MAML3: variants seen among roughly 807,000 people sequenced by gnomAD.
MAML3 encodes the protein mastermind-like protein 3.
In MAML3, 27 loss-of-function variants were observed where a neutral mutation model predicts 101.9. The ratio of observed to expected loss-of-function variants is 0.27; its 90% CI spans 0.20 to 0.37. MAML3 has a LOEUF of 0.37. MAML3 is among the 10% of genes least tolerant of loss of function. The pLI, the probability that MAML3 is intolerant of heterozygous loss-of-function variation, is 1.00. For synonymous variants in MAML3, 501 were observed against 555.9 expected, an observed-to-expected ratio of 0.90 and a Z score of 1.39; for missense variants, 1,316 against 1,444.9, an observed-to-expected ratio of 0.91 and a Z score of 1.45.
At chr4:140,046,711 C>T (rs1264452574) in intron 1 of MAML3, among the ~76,000 whole-genome samples, 2 of 151,752 alleles carry the variant, frequency 1.3e-5, no homozygotes, top group Non-Finnish European at 2.9e-5. Flanking sequence ...GGGCCTGAAT[C>T]ACTTAAGATA....
chr4:139,987,577 G>T (rs1169141966), intron 1 of MAML3, among the ~76,000 whole-genome samples: 1 of 152,134 alleles, frequency 6.6e-6, no homozygotes, highest in East Asian at 1.9e-4. Flanking sequence ...TCTTCTTGGG[G>T]TGTGGCATCT....
intron 2 of MAML3, among the ~76,000 whole-genome samples, chr4:139,838,825 C>T (rs1731307717): frequency 6.6e-6 from 1 of 152,076 alleles, no homozygotes; most frequent in Non-Finnish European, 1.5e-5. Flanking sequence ...AAAGCATCCC[C>T]ACAGAATCAA....
intron 1 of MAML3, among the ~76,000 whole-genome samples, chr4:139,948,263 C>A (rs1733768867): frequency 1.3e-5 from 2 of 152,168 alleles, no homozygotes; most frequent in African/African-American, 2.4e-5. Flanking sequence ...CACTCCTGAG[C>A]ACTTTTGCTT....
intron 1 of MAML3, among the ~76,000 whole-genome samples, chr4:140,081,152 G>T: frequency 6.6e-6 from 1 of 151,856 alleles, no homozygotes; most frequent in East Asian, 1.9e-4. Context: ...AATATTTTAG[G>T]CTTCCTCTGC....
intron 2 of MAML3, among the ~76,000 whole-genome samples, chr4:139,801,643 G>GTGTGTGTGTGT (rs1560798508): frequency 5.0e-3 from 153 of 30,752 alleles, no homozygotes; most frequent in South Asian, 0.015. Context: ...GGTGTGTGTG[G>GTGTGTGTGTGT]GTGTGTGTGT....
intron 1 of MAML3, among the ~76,000 whole-genome samples, chr4:140,014,775 G>A (rs571488959): frequency 1.1e-4 from 17 of 152,268 alleles, no homozygotes; most frequent in South Asian, 4.1e-4. Context: ...CAGCATTAAC[G>A]TCATAGGAAG....
Position 139,905,881 on chromosome 4 carries a change from T to C in MAML3, c.469-14914A>G, listed in dbSNP as rs114194757. 9.5e-3 allele frequency among the ~76,000 whole-genome samples: 1,443 copies of C among 152,264 alleles called. 9 individuals carry two copies. The highest frequency in any genetic ancestry group is 0.016 in the Non-Finnish European group (1,114 of 67,996). On this transcript the variant is annotated intron_variant, in intron 1 of 4. Coordinates refer to ENST00000509479, the MANE Select transcript of MAML3 (RefSeq NM_018717.5). ...AACTTAAAATGACCCTATCTCCAAA[T>C]ACTGTCACATTTTGAGAAACTGGGG...
At chr4:139,733,811 G>A (rs1248258524) in intron 2 of MAML3, among the ~76,000 whole-genome samples, 1 of 152,048 alleles carries the variant, frequency 6.6e-6, no homozygotes, top group African/African-American at 2.4e-5. Context: ...CAGCCTCCTG[G>A]GTAGGTGGGG....
At position 140,121,495 on chromosome 4, in the gene MAML3, G is replaced by A. The variant is rs114392137; in HGVS notation, c.468+31365C>T. On this transcript the variant is annotated intron_variant, in intron 1 of 4. Transcript: ENST00000509479. ...AGCACCACTTTGAAAGGGAAAAAGA[G>A]GTGTTAGGCTGTGTAGACTCAAAGT... Among the ~76,000 whole-genome samples the A allele has an allele frequency of 2.8e-3, 430 of 152,322 alleles. 2 individuals carry two copies. Among genetic ancestry groups the A allele is most frequent in the African/African-American group, 9.9e-3 (411 of 41,560 alleles).
intron 1 of MAML3, among the ~76,000 whole-genome samples, chr4:139,915,375 AAAGGG>A (rs150846880): frequency 0.015 from 2,222 of 152,296 alleles, 52 homozygotes; most frequent in African/African-American, 0.05. Context: ...CCTTATTAGC[AAAGGG>A]AGATGACCAA....
Position 140,069,388 on chromosome 4 carries a change from AGG to A in MAML3, c.468+83470_468+83471del, listed in dbSNP as rs1230611214. On this transcript the variant is annotated intron_variant, in intron 1 of 4. Coordinates refer to ENST00000509479, the MANE Select transcript of MAML3 (RefSeq NM_018717.5). ...AAGAAGAAGAAGAAGAAGAAGAAGGAGGAGGAGGAGGAGGAGGAGGAGGAGGA... is the reference window on the plus strand; with the variant it reads ...AAGAAGAAGAAGAAGAAGAAGAAGGAAGGAGGAGGAGGAGGAGGAGGAGGA... Among the ~76,000 whole-genome samples, 33 of 72,480 alleles carry A rather than the reference AGG, an allele frequency of 4.6e-4. 1 individual carries two copies. The highest frequency in any genetic ancestry group is 1.9e-3 in the African/African-American group (31 of 16,250). The allele number at this position is 72,480 out of a possible 152,430, so 47.5% of individuals were successfully genotyped here.
At chr4:139,856,385 T>A (rs1731664018) in intron 2 of MAML3, among the ~76,000 whole-genome samples, 1 of 152,142 alleles carries the variant, frequency 6.6e-6, no homozygotes, top group Non-Finnish European at 1.5e-5. Context: ...AAAGGAGAAC[T>A]ACAAGGACCT....
chr4:139,815,145 A>T (rs992281588), intron 2 of MAML3, among the ~76,000 whole-genome samples: 1 of 152,254 alleles, frequency 6.6e-6, no homozygotes, highest in Non-Finnish European at 1.5e-5. Flanking sequence ...AGCCCGACTT[A>T]TGAATAAAAG....
At position 139,788,719 on chromosome 4, in the gene MAML3, A is replaced by T. The variant is rs542869316; in HGVS notation, c.2080-58052T>A. 1.1e-4 allele frequency among the ~76,000 whole-genome samples: 17 copies of T among 152,370 alleles called. No homozygotes were observed. The South Asian group carries it at 3.3e-3, about 30-fold the overall frequency. On this transcript the variant is annotated intron_variant, in intron 2 of 4. Transcript: ENST00000509479. ...GAAATTTTGAATAGCTTTTCTTAGA[A>T]ATTTCCGTCAAAGAGGACATGCCTC...
intron 1 of MAML3, 48 bp downstream of exon 1, chr4:140,152,812 C>G: frequency 2.5e-6 from 4 of 1,578,496 alleles, no homozygotes; most frequent in Non-Finnish European, 3.4e-6. Flanking sequence ...CCCACCACCA[C>G]CACCACCCCC....
At chr4:140,062,168 C>A (rs1450899832) in intron 1 of MAML3, among the ~76,000 whole-genome samples, 1 of 152,188 alleles carries the variant, frequency 6.6e-6, no homozygotes, top group Non-Finnish European at 1.5e-5. Flanking sequence ...TCCTCACACA[C>A]TGAAAAAGGT....
chr4:140,044,701 G>A (rs1218085457), intron 1 of MAML3, among the ~76,000 whole-genome samples: 1 of 152,130 alleles, frequency 6.6e-6, no homozygotes, highest in Non-Finnish European at 1.5e-5. Flanking sequence ...CAGAAGAAAG[G>A]GCAAGAAATG....
intron 2 of MAML3, among the ~76,000 whole-genome samples, chr4:139,756,576 TTGG>T (rs1560784914): frequency 1.3e-5 from 2 of 152,150 alleles, no homozygotes; most frequent in South Asian, 2.1e-4. Flanking sequence ...CTTGGAGAAG[TTGG>T]TGTGCAAATT....
intron 1 of MAML3, among the ~76,000 whole-genome samples, chr4:140,036,015 G>A (rs1418126323): frequency 6.6e-6 from 1 of 152,156 alleles, no homozygotes; most frequent in Non-Finnish European, 1.5e-5. Flanking sequence ...GCATATCCAC[G>A]AAAGGGAATA....
Sources: allele counts gnomAD v4.1 joint callset (sites outside exome capture counted in the v4.1 genomes callset), GRCh38; gene constraint gnomAD v4.1.1; transcripts MANE v1.5; gene names NCBI Gene and HGNC (gene_info 2026-07-23, HGNC 2026-07-21).